RAP1GDS1: variants seen among roughly 807,000 people sequenced by gnomAD.
RAP1GDS1 encodes the protein RAP1, GTP-GDP dissociation stimulator 1.
In RAP1GDS1, 35 loss-of-function variants were observed where a neutral mutation model predicts 71.1. The ratio of observed to expected loss-of-function variants is 0.49; its 90% confidence interval spans 0.38 to 0.65. The LOEUF (loss-of-function observed/expected upper bound fraction) is 0.65, where lower values mean the gene tolerates loss of function less well. Ranked by LOEUF, RAP1GDS1 falls within the 30% of genes least tolerant of loss-of-function variation. RAP1GDS1 has a pLI of 0.00. For missense variants in RAP1GDS1, 663 were observed against 706.1 expected (o/e 0.94, Z 0.69); for synonymous variants, 229 against 243.1 (o/e 0.94, Z 0.54).
intron 3 of RAP1GDS1, among the ~76,000 whole-genome samples, chr4:98,343,974 T>C (rs1180689527): frequency 6.6e-6 from 1 of 152,210 alleles, no homozygotes; most frequent in Non-Finnish European, 1.5e-5. Context: ...TTTACATTAT[T>C]TTTTAGCCTT....
intron 5 of RAP1GDS1, among the ~76,000 whole-genome samples, chr4:98,381,259 A>G (rs892542570): frequency 5.3e-5 from 8 of 151,592 alleles, no homozygotes; most frequent in African/African-American, 1.9e-4. Context: ...ATCGAATAAA[A>G]AAGACATAAT....
chr4:98,386,675 G>A (rs752215454), intron 5 of RAP1GDS1, among the ~76,000 whole-genome samples: 3 of 151,430 alleles, frequency 2.0e-5, no homozygotes, highest in Admixed American at 6.6e-5. Context: ...TATAAAGAAG[G>A]CTTTAAAATA....
intron 12 of RAP1GDS1, among the ~76,000 whole-genome samples, chr4:98,429,192 A>G (rs1750043306): frequency 6.7e-6 from 1 of 149,978 alleles, no homozygotes; most frequent in Non-Finnish European, 1.5e-5. Flanking sequence ...CGGGAGGTGG[A>G]GCTTGCAGTG....
intron 1 of RAP1GDS1, among the ~76,000 whole-genome samples, chr4:98,282,559 A>T (rs1474938623): frequency 3.4e-5 from 5 of 146,578 alleles, no homozygotes; most frequent in African/African-American, 1.3e-4. Flanking sequence ...TCAAAAAACC[A>T]GCTCCTGGAT....
At chr4:98,299,375 C>T (rs1277078720) in intron 2 of RAP1GDS1, among the ~76,000 whole-genome samples, 1 of 152,106 alleles carries the variant, frequency 6.6e-6, no homozygotes, top group Non-Finnish European at 1.5e-5. Flanking sequence ...CATACGTGTG[C>T]ATGTGTCTTT....
At chr4:98,368,090 T>C (rs906945185) in intron 4 of RAP1GDS1, among the ~76,000 whole-genome samples, 2 of 152,066 alleles carry the variant, frequency 1.3e-5, no homozygotes, top group Admixed American at 1.3e-4. Context: ...CAGTGGGAGA[T>C]AATTGAATCA....
At chr4:98,268,620 G>C (rs1723016717) in intron 1 of RAP1GDS1, among the ~76,000 whole-genome samples, 1 of 151,688 alleles carries the variant, frequency 6.6e-6, no homozygotes, top group Non-Finnish European at 1.5e-5. Context: ...ATTCAGTAAA[G>C]TTTCAGGATA....
intron 3 of RAP1GDS1, among the ~76,000 whole-genome samples, chr4:98,347,420 G>A (rs1458556083): frequency 6.6e-6 from 1 of 152,110 alleles, no homozygotes; most frequent in African/African-American, 2.4e-5. Flanking sequence ...TTAGTCTTAG[G>A]TGGAAATCAA....
chr4:98,409,595 C>T (rs1560975810), intron 7 of RAP1GDS1: 2 of 207,180 alleles, frequency 9.7e-6, no homozygotes, highest in Admixed American at 1.1e-4. Context: ...GATACCTCCC[C>T]GAAACACATG....
At chr4:98,324,448 A>G (rs1383934920) in intron 2 of RAP1GDS1, among the ~76,000 whole-genome samples, 1 of 151,472 alleles carries the variant, frequency 6.6e-6, no homozygotes, top group East Asian at 1.9e-4. Flanking sequence ...ACCAAGAAAG[A>G]GCCCGCATCG....
intron 1 of RAP1GDS1, among the ~76,000 whole-genome samples, chr4:98,274,347 A>C (rs1167264264): frequency 6.6e-6 from 1 of 152,150 alleles, no homozygotes; most frequent in African/African-American, 2.4e-5. Context: ...TTCTGATCAA[A>C]ATTTACAGAA....
intron 2 of RAP1GDS1, among the ~76,000 whole-genome samples, chr4:98,297,260 G>T (rs1252728058): frequency 6.6e-6 from 1 of 152,006 alleles, no homozygotes; most frequent in Non-Finnish European, 1.5e-5. Flanking sequence ...GCTAGCCCTT[G>T]TTCTTTATTT....
intron 2 of RAP1GDS1, among the ~76,000 whole-genome samples, chr4:98,302,977 C>A (rs57192422): frequency 6.6e-6 from 1 of 150,906 alleles, no homozygotes; most frequent in Non-Finnish European, 1.5e-5. Flanking sequence ...GCCCGGGAGA[C>A]GGAGGTTGCA....
chr4:98,285,450 TTAAATTA>T (rs1725829321), intron 1 of RAP1GDS1, among the ~76,000 whole-genome samples: 1 of 152,172 alleles, frequency 6.6e-6, no homozygotes, highest in Non-Finnish European at 1.5e-5. Flanking sequence ...ATTAGTACTT[TTAAATTA>T]TTAAGAATAG....
intron 1 of RAP1GDS1, among the ~76,000 whole-genome samples, chr4:98,273,680 C>T (rs947140456): frequency 4.6e-5 from 7 of 152,054 alleles, no homozygotes; most frequent in Non-Finnish European, 7.4e-5. Context: ...ATAAGTACTG[C>T]CAATTGTATA....
At chr4:98,277,885 G>T (rs10029454) in intron 1 of RAP1GDS1, among the ~76,000 whole-genome samples, 1 of 152,124 alleles carries the variant, frequency 6.6e-6, no homozygotes, top group South Asian at 2.1e-4. Context: ...TTGTTAAGGA[G>T]ATTTTAGAAA....
At chr4:98,261,854 G>A (rs1560735828) in intron 1 of RAP1GDS1, among the ~76,000 whole-genome samples, 2 of 152,050 alleles carry the variant, frequency 1.3e-5, no homozygotes, top group Non-Finnish European at 2.9e-5. Flanking sequence ...TCTTCCTGCC[G>A]GTGCCCGGGC....
rs147617681 is a variant in RAP1GDS1, at chr4:98,312,597, T to C, written c.112+19082T>C. The stretch of plus-strand genomic sequence containing the variant: ...GTTTGTGTTCTTACTTGGAAATCTT[T>C]GTTGGGAGGGCTAAGATGATCCTCT... On this transcript the variant is annotated intron_variant, in intron 2 of 14. Transcript: ENST00000408927. 1.9e-3 allele frequency among the ~76,000 whole-genome samples: 296 copies of C among 152,236 alleles called. 1 individual carries two copies. The highest frequency in any genetic ancestry group is 6.7e-3 in the African/African-American group (280 of 41,540).
intron 12 of RAP1GDS1, among the ~76,000 whole-genome samples, chr4:98,423,486 A>G (rs1208383238): frequency 6.6e-6 from 1 of 152,202 alleles, no homozygotes; most frequent in Non-Finnish European, 1.5e-5. Flanking sequence ...AAGGGTTTTA[A>G]GCAGCAAGTT....
Sources: allele counts gnomAD v4.1 joint callset (sites outside exome capture counted in the v4.1 genomes callset), GRCh38; gene constraint gnomAD v4.1.1; transcripts MANE v1.5; gene names NCBI Gene and HGNC (gene_info 2026-07-23, HGNC 2026-07-21).